The following TTC13 variants were observed in gnomAD, a reference collection of about 807,000 sequenced individuals.
TTC13 encodes tetratricopeptide repeat domain 13.
A neutral mutation model predicts 120.0 loss-of-function variants in TTC13; 62 were observed. The observed-to-expected ratio is 0.52, with a 90% confidence interval of 0.42 to 0.64. The LOEUF (loss-of-function observed/expected upper bound fraction) is 0.64, where lower values mean the gene tolerates loss of function less well. TTC13 is among the 30% of genes least tolerant of loss of function. The pLI is 0.00. For missense variants in TTC13, 824 were observed against 1,050.2 expected, an observed-to-expected ratio of 0.78 and a Z score of 2.98; for synonymous variants, 384 against 393.5, an observed-to-expected ratio of 0.98 and a Z score of 0.28.
At chr1:230,953,473 T>C (rs1675773998) in intron 4 of TTC13, among the ~76,000 whole-genome samples, 1 of 152,212 alleles carries the variant, frequency 6.6e-6, no homozygotes, top group African/African-American at 2.4e-5. Flanking sequence ...AAGCACTTAC[T>C]ATGTGCCAGG....
intron 13 of TTC13, 114 bp downstream of exon 13, chr1:230,925,403 T>C: frequency 1.7e-6 from 2 of 1,182,488 alleles, no homozygotes; most frequent in South Asian, 2.9e-5. Context: ...TCTGATCACA[T>C]GGAGAATTTG....
chr1:230,950,567 C>G (rs1397740106), intron 4 of TTC13, among the ~76,000 whole-genome samples: 1 of 152,160 alleles, frequency 6.6e-6, no homozygotes, highest in Non-Finnish European at 1.5e-5. Context: ...TAAAAACAAA[C>G]AAGTCGAAAC....
chr1:230,928,519 T>C (rs1242394567), intron 12 of TTC13, among the ~76,000 whole-genome samples: 1 of 152,218 alleles, frequency 6.6e-6, no homozygotes, highest in East Asian at 1.9e-4. Context: ...CTATGTGATC[T>C]GCAAACAATG....
intron 1 of TTC13, among the ~76,000 whole-genome samples, chr1:230,975,383 A>G (rs1678178677): frequency 6.6e-6 from 1 of 152,208 alleles, no homozygotes; most frequent in Non-Finnish European, 1.5e-5. Context: ...CTAAAAAAAT[A>G]GAAAAAACAA....
chr1:230,913,563 C>T (rs1006693888), intron 18 of TTC13, among the ~76,000 whole-genome samples: 2 of 152,098 alleles, frequency 1.3e-5, no homozygotes, highest in Non-Finnish European at 2.9e-5. Flanking sequence ...CCATGTTGCC[C>T]AGCCTGGTCT....
At chr1:230,929,208 AAG>A in intron 11 of TTC13, 115 bp from the exon 12 acceptor site, 1 of 1,144,158 alleles carries the variant, frequency 8.7e-7, no homozygotes, top group South Asian at 1.7e-5. Flanking sequence ...AAGAATTCTA[AAG>A]AGTTTCTAAA....
At chr1:230,915,643 G>A (rs1671941573) in intron 18 of TTC13, among the ~76,000 whole-genome samples, 1 of 152,058 alleles carries the variant, frequency 6.6e-6, no homozygotes, top group Non-Finnish European at 1.5e-5. Flanking sequence ...GTAATGGTAA[G>A]GGTAAATAGT....
chr1:230,949,829 T>A (rs1372036591), intron 4 of TTC13, among the ~76,000 whole-genome samples: 1 of 151,210 alleles, frequency 6.6e-6, no homozygotes, highest in Admixed American at 6.6e-5. Flanking sequence ...TTTTGTATTT[T>A]TAGTAGAGAC....
At chr1:230,969,773 AC>A (rs1677534293) in intron 1 of TTC13, among the ~76,000 whole-genome samples, 1 of 152,092 alleles carries the variant, frequency 6.6e-6, no homozygotes, top group African/African-American at 2.4e-5. Flanking sequence ...AGAAATAACC[AC>A]CCCCAGATAC....
intron 21 of TTC13, 31 bp from the exon 22 acceptor site, chr1:230,908,822 TA>T: frequency 2.5e-6 from 4 of 1,609,992 alleles, no homozygotes; most frequent in Non-Finnish European, 3.4e-6. Context: ...GGAATGTTAC[TA>T]AACATGGAGG....
chr1:230,973,095 G>A (rs947943528), intron 1 of TTC13, among the ~76,000 whole-genome samples: 1 of 152,204 alleles, frequency 6.6e-6, no homozygotes. Flanking sequence ...ATCAGGGCCA[G>A]GAGATGAAAG....
chr1:230,931,981 G>C (rs1673605389), intron 9 of TTC13, 104 bp from the exon 10 acceptor site: 3 of 1,113,908 alleles, frequency 2.7e-6, no homozygotes, highest in Non-Finnish European at 3.9e-6. Context: ...AAGATACCTT[G>C]ATGGGAGTGT....
intron 8 of TTC13, among the ~76,000 whole-genome samples, chr1:230,937,880 G>A (rs1674209340): frequency 6.6e-6 from 1 of 152,234 alleles, no homozygotes; most frequent in Non-Finnish European, 1.5e-5. Context: ...AGGAGAAACT[G>A]ATTGCCCATG....
chr1:230,917,317 A>G (rs10864790), intron 17 of TTC13, among the ~76,000 whole-genome samples: 71,885 of 152,060 alleles, frequency 0.47, 17,530 homozygotes, highest in Admixed American at 0.57. Flanking sequence ...TAGGTGAGGC[A>G]AAGTCTGGCT....
chr1:230,935,515 G>A (rs973846109), intron 8 of TTC13, among the ~76,000 whole-genome samples: 3 of 152,166 alleles, frequency 2.0e-5, no homozygotes, highest in Non-Finnish European at 4.4e-5. Context: ...ATTTTGGAGA[G>A]GGGAAATAGT....
At chr1:230,959,385 C>G (rs1384179215) in intron 2 of TTC13, among the ~76,000 whole-genome samples, 1 of 147,326 alleles carries the variant, frequency 6.8e-6, no homozygotes, top group Non-Finnish European at 1.5e-5. Context: ...AAATCAAATT[C>G]TTTTTTTTTT....
chr1:230,912,581 A>T, intron 19 of TTC13, 42 bp downstream of exon 19: 1 of 1,599,738 alleles, frequency 6.3e-7, no homozygotes, highest in Non-Finnish European at 8.5e-7. Context: ...TTACAAAAGA[A>T]TCATAGGAAG....
At chr1:230,970,545 A>G (rs1252372092) in intron 1 of TTC13, among the ~76,000 whole-genome samples, 1 of 152,220 alleles carries the variant, frequency 6.6e-6, no homozygotes, top group Admixed American at 6.5e-5. Flanking sequence ...ACAGGACAGA[A>G]GGCAAAATCT....
intron 19 of TTC13, among the ~76,000 whole-genome samples, chr1:230,912,152 C>T (rs1235369814): frequency 6.6e-6 from 1 of 152,126 alleles, no homozygotes; most frequent in East Asian, 1.9e-4. Context: ...TCCAAGCAGA[C>T]AACCAAAGAA....
Sources: gnomAD v4.1 joint callset for allele counts (sites outside exome capture counted in the v4.1 genomes callset) on GRCh38, gnomAD v4.1.1 for gene constraint, MANE v1.5 for transcripts, NCBI Gene and HGNC (gene_info 2026-07-23, HGNC 2026-07-21) for gene names.